SAMMSON: variants seen among roughly 807,000 people sequenced by gnomAD.
SAMMSON encodes the protein long intergenic non-protein coding RNA 1212.
At position 70,376,914 on chromosome 3, in the gene SAMMSON, A is replaced by T. The variant is rs547111925; in HGVS notation, n.914-12660A>T. Among the ~76,000 whole-genome samples the T allele has an allele frequency of 2.0e-5, 3 of 152,142 alleles. No homozygotes were observed. The South Asian group carries it at 6.2e-4, about 32-fold the overall frequency. The stretch of plus-strand genomic sequence containing the variant: ...TTGGTTTAATATTAAATATTTTTGA[A>T]TGTCATTAAAAATCCTCACAAATAT... On this transcript the variant is annotated intron_variant and non_coding_transcript_variant, in intron 9 of 9. Coordinates refer to ENST00000642114, the Ensembl canonical transcript of SAMMSON.
intron 2 of SAMMSON, among the ~76,000 whole-genome samples, chr3:70,012,766 C>T (rs918714607): frequency 1.3e-5 from 2 of 152,032 alleles, no homozygotes; most frequent in African/African-American, 4.8e-5. Flanking sequence ...GTAGAAGGTG[C>T]AACTTTGAGT....
intron 3 of SAMMSON, among the ~76,000 whole-genome samples, chr3:70,023,290 A>G (rs1428377726): frequency 1.3e-5 from 2 of 151,682 alleles, no homozygotes; most frequent in Non-Finnish European, 2.9e-5. Flanking sequence ...CCCCGTCTCT[A>G]GTAAAAATAC....
At chr3:70,366,307 A>G (rs1403271666) in intron 9 of SAMMSON, among the ~76,000 whole-genome samples, 1 of 150,918 alleles carries the variant, frequency 6.6e-6, no homozygotes, top group Non-Finnish European at 1.5e-5. Context: ...TACCTTTTCA[A>G]TCCTCCTTGT....
intron 2 of SAMMSON, among the ~76,000 whole-genome samples, chr3:70,413,439 A>G (rs977134185): frequency 6.6e-6 from 1 of 152,158 alleles, no homozygotes; most frequent in Admixed American, 6.6e-5. Context: ...AGGAGAAGGA[A>G]ATCAGCACCC....
intron 4 of SAMMSON, among the ~76,000 whole-genome samples, chr3:70,129,853 A>C (rs2067474976): frequency 6.6e-6 from 1 of 152,096 alleles, no homozygotes; most frequent in African/African-American, 2.4e-5. Context: ...ACTTTATTTT[A>C]TTTTACTTTA....
At chr3:70,191,749 C>T (rs1701132454) in intron 4 of SAMMSON, among the ~76,000 whole-genome samples, 1 of 151,818 alleles carries the variant, frequency 6.6e-6, no homozygotes, top group Non-Finnish European at 1.5e-5. Flanking sequence ...TAATTTTTCA[C>T]ATGTATAACT....
chr3:70,182,935 A>G (rs1206266109), intron 4 of SAMMSON, among the ~76,000 whole-genome samples: 3 of 152,076 alleles, frequency 2.0e-5, no homozygotes, highest in Non-Finnish European at 4.4e-5. Context: ...TATATTAATG[A>G]TGCAAACGAA....
intron 7 of SAMMSON, among the ~76,000 whole-genome samples, chr3:70,301,897 T>G (rs1368568624): frequency 6.6e-6 from 1 of 152,146 alleles, no homozygotes; most frequent in Non-Finnish European, 1.5e-5. Context: ...ATTTGATACG[T>G]GAAAGAGGAG....
chr3:70,171,710 G>A (rs115526997), intron 4 of SAMMSON, among the ~76,000 whole-genome samples: 1,527 of 151,836 alleles, frequency 0.01, 19 homozygotes, highest in African/African-American at 0.032. Context: ...ATTTCACTTC[G>A]TGTGTTTTGG....
rs573241633 is a variant in SAMMSON, at chr3:70,272,805, T to A, written n.675-18374T>A. The stretch of plus-strand genomic sequence containing the variant: ...TTGGAAAGCATAAATGAATATTGCT[T>A]GTTTCACGAAGTTAGAATTTTCTTT... On this transcript the variant is annotated intron_variant and non_coding_transcript_variant, in intron 6 of 9. Coordinates refer to ENST00000642114, the Ensembl canonical transcript of SAMMSON. Among the ~76,000 whole-genome samples the A allele has an allele frequency of 1.3e-4, 20 of 152,328 alleles. No individual in the cohort carries two copies. In the South Asian group the frequency reaches 3.9e-3, roughly 30 times the overall value.
intron 4 of SAMMSON, among the ~76,000 whole-genome samples, chr3:70,112,220 A>G (rs902540835): frequency 3.9e-5 from 6 of 152,188 alleles, no homozygotes; most frequent in Non-Finnish European, 8.8e-5. Context: ...AGGAGCAGTA[A>G]TTCCTCCAAG....
intron 7 of SAMMSON, among the ~76,000 whole-genome samples, chr3:70,337,141 AT>A (rs1307472768): frequency 0.056 from 3,707 of 66,006 alleles, 91 homozygotes; most frequent in African/African-American, 0.063. Flanking sequence ...CTAACTTAAT[AT>A]TATTATTAAT....
intron 6 of SAMMSON, among the ~76,000 whole-genome samples, chr3:70,284,675 T>G (rs1702123423): frequency 6.6e-6 from 1 of 152,142 alleles, no homozygotes; most frequent in South Asian, 2.1e-4. Flanking sequence ...TGTTCTCACT[T>G]ATAAGTGGGA....
intron 2 of SAMMSON, among the ~76,000 whole-genome samples, chr3:70,430,085 A>G (rs1575647819): frequency 6.6e-6 from 1 of 152,174 alleles, no homozygotes; most frequent in East Asian, 1.9e-4. Flanking sequence ...CCCATTCAGT[A>G]TGATATTGGA....
intron 6 of SAMMSON, among the ~76,000 whole-genome samples, chr3:70,272,708 A>C (rs550820452): frequency 6.6e-6 from 1 of 152,232 alleles, no homozygotes. Flanking sequence ...TTTTAGATAG[A>C]GTACATTGCA....
intron 6 of SAMMSON, among the ~76,000 whole-genome samples, chr3:70,282,711 A>G (rs1332972635): frequency 1.3e-5 from 2 of 152,154 alleles, no homozygotes; most frequent in East Asian, 3.9e-4. Flanking sequence ...TACCTTGTCT[A>G]TGCCCTTCTT....
At chr3:70,185,265 C>T (rs1576147087) in intron 4 of SAMMSON, among the ~76,000 whole-genome samples, 1 of 152,252 alleles carries the variant, frequency 6.6e-6, no homozygotes, top group African/African-American at 2.4e-5. Flanking sequence ...TAAAAATTTC[C>T]TCCATGGCAT....
At chr3:70,076,293 T>G (rs2067248360) in intron 4 of SAMMSON, among the ~76,000 whole-genome samples, 1 of 152,184 alleles carries the variant, frequency 6.6e-6, no homozygotes, top group African/African-American at 2.4e-5. Context: ...TCTTTCTGTC[T>G]TTATTTGAAA....
chr3:70,158,180 C>A (rs1037236285), intron 4 of SAMMSON, among the ~76,000 whole-genome samples: 1 of 152,000 alleles, frequency 6.6e-6, no homozygotes, highest in Non-Finnish European at 1.5e-5. Flanking sequence ...GGCATGATTC[C>A]TCATGTGCAT....
Sources: gnomAD v4.1 joint callset for allele counts (sites outside exome capture counted in the v4.1 genomes callset) on GRCh38, gnomAD v4.1.1 for gene constraint, MANE v1.5 for transcripts, NCBI Gene and HGNC (gene_info 2026-07-23, HGNC 2026-07-21) for gene names.